The following TEDC1 variants were observed in gnomAD, a reference collection of about 807,000 sequenced individuals.
The protein encoded by TEDC1 is tubulin epsilon and delta complex protein 1.
Under a neutral mutation model 59.9 loss-of-function variants are expected in TEDC1, and 54 were observed. The ratio of observed to expected loss-of-function variants is 0.90; its 90% CI spans 0.72 to 1.13. TEDC1 has a LOEUF of 1.13. Ranked by LOEUF, TEDC1 falls within the 50% of genes most tolerant of loss-of-function variation. The probability of loss-of-function intolerance (pLI) is 0.00; values close to 1 mark genes in which losing one functional copy is unlikely to be tolerated. For missense variants in TEDC1, 734 were observed against 683.4 expected (o/e 1.07, Z -0.83); for synonymous variants, 353 against 298.1 (o/e 1.18, Z -1.90).
chr14:105,498,915 G>T lies in TEDC1; in HGVS notation c.1457G>T (p.Gly486Val). The T allele has an allele frequency of 1.2e-6, 2 of 1,610,344 alleles. No individual in the cohort carries two copies. The highest frequency in any genetic ancestry group is 1.7e-6 in the Non-Finnish European group (2 of 1,179,236). The change falls in exon 9 of 9, where the codon GGT becomes GTT. Residue 486 changes from glycine (G) to valine (V), a missense_variant. By Grantham distance (109) the Gly-to-Val change is moderately radical. Coordinates refer to ENST00000392523, the MANE Select transcript of TEDC1 (RefSeq NM_001367178.1). ...ELARLVGARPGLIWIPPPGR is the reference protein window; with the variant it reads ...ELARLVGARPVLIWIPPPGR ...GCCAGGCTGGTGGGAGCCCGCCCTG[G>T]TCTCATCTGGATCCCGCCACCTGGA...
At chr14:105,497,546 TAGGG>T in intron 7 of TEDC1, 103 bp downstream of exon 7, 1 of 1,384,516 alleles carries the variant, frequency 7.2e-7, no homozygotes, top group South Asian at 1.3e-5. Flanking sequence ...GAGGGGCTTT[TAGGG>T]AGGCCACAGA....
intron 6 of TEDC1, chr14:105,497,090 G>A: frequency 1.8e-6 from 1 of 553,948 alleles, no homozygotes; most frequent in Non-Finnish European, 3.2e-6. Context: ...GGCAGCTCTT[G>A]CCTGGCAGGC....
Position 105,498,746 on chromosome 14 carries a change from C to G in TEDC1, c.1288C>G (p.Pro430Ala), listed in dbSNP as rs2084404312. The stretch of plus-strand genomic sequence containing the variant: ...CGGTGGCCCGGCCCAGCCCCATGGG[C>G]CACACCGGCTGGTGAGACGAGAGGA... ...RDGGPAQPHG[P>A]HRLVRREDGA... The change falls in exon 9 of 9, where the codon CCA becomes GCA. Residue 430 changes from proline to alanine, a missense_variant. Transcript: ENST00000392523. 2 of 1,559,138 alleles carry G rather than the reference C, an allele frequency of 1.3e-6. No individual in the cohort carries two copies. Among genetic ancestry groups the G allele is most frequent in the Non-Finnish European group, 1.7e-6 (2 of 1,151,954 alleles).
chr14:105,497,431 C>T lies in TEDC1; in HGVS notation c.966C>T (p.Phe322=), dbSNP rs1555440666. 1.9e-6 allele frequency: 3 copies of T among 1,548,808 alleles called. No homozygotes were observed. Among genetic ancestry groups the T allele is most frequent in the Non-Finnish European group, 1.7e-6 (2 of 1,148,322 alleles). ...CGTGGCGGCGCTCTGAGCTGGTCTT[C>T]TGGCGGTGGATGGTGAGGAAGCCCG... ...VLAWRRSELV[F]WRWMDTVLGT... is the part of the protein sequence containing the mutation. Residue 322 remains phenylalanine, a synonymous_variant, in exon 7 of 9, where the codon TTC becomes TTT. Coordinates refer to ENST00000392523, the MANE Select transcript of TEDC1 (RefSeq NM_001367178.1).
Position 105,492,252 on chromosome 14 carries a change from C to T in TEDC1, c.372C>T (p.Pro124=), listed in dbSNP as rs202246162. 2.0e-4 allele frequency: 324 copies of T among 1,610,324 alleles called. No individual in the cohort carries two copies. Among genetic ancestry groups the T allele is most frequent in the Middle Eastern group, 3.3e-4 (2 of 5,988 alleles). Residue 124 remains proline (P), a synonymous_variant, in exon 3 of 9, where the codon CCC becomes CCT. Coordinates refer to ENST00000392523, the MANE Select transcript of TEDC1 (RefSeq NM_001367178.1). ...LSWLLARGPV[P]EQMLAQARVP... The stretch of plus-strand genomic sequence containing the variant: ...GGCTCTTGGCCCGAGGACCTGTGCC[C>T]GAGCAGATGCTGGCCCAGGCCCGAG...
intron 8 of TEDC1, among the ~76,000 whole-genome samples, chr14:105,498,230 G>A (rs2084391575): frequency 6.6e-6 from 1 of 152,200 alleles, no homozygotes; most frequent in Non-Finnish European, 1.5e-5. Context: ...AGCCCGTGCT[G>A]TGTGGGCCCT....
chr14:105,491,954 C>T (rs1555439486), intron 2 of TEDC1, among the ~76,000 whole-genome samples, 153 bp from the exon 3 acceptor site: 2 of 152,270 alleles, frequency 1.3e-5, no homozygotes, highest in Non-Finnish European at 2.9e-5. Flanking sequence ...CTGGTCTCCT[C>T]ATCCTGGTCT....
At chr14:105,496,146 G>GGGGGGGGCGCCCCCCC in intron 6 of TEDC1, 60 bp downstream of exon 6, 1 of 331,608 alleles carries the variant, frequency 3.0e-6, no homozygotes, top group Non-Finnish European at 5.9e-6. Flanking sequence ...GGGTGGGAGG[G>GGGGGGGGCGCCCCCCC]GGTGGCGAGG....
Position 105,491,698 on chromosome 14 carries a change from TG to T in TEDC1, c.226+1del. ...PAGNALASLA[L>X]EVQARLVKSA... ...GGCAACGCCTTGGCATCGCTCGCCC[TG>T]GGTAAGCCCCGCTCCTGGCCCCGCC... On this transcript the variant is annotated frameshift_variant and splice_region_variant, in exon 2 of 9. Coordinates refer to ENST00000392523, the MANE Select transcript of TEDC1 (RefSeq NM_001367178.1). LOFTEE classifies it high-confidence loss of function. 6.5e-7 allele frequency: 1 copy of T among 1,548,340 alleles called. No homozygotes were observed.
At chr14:105,490,799 C>T (rs1220322070), upstream of TEDC1, 4 of 586,782 alleles carry the variant, frequency 6.8e-6, no homozygotes, top group South Asian at 1.9e-5. Context: ...GGCTCGTCCG[C>T]TCCGACTGCG....
At chr14:105,489,861 G>C (rs781977493), upstream of TEDC1, 1 of 152,424 alleles carries the variant, frequency 6.6e-6, no homozygotes, top group Non-Finnish European at 1.5e-5. Context: ...GGTTGGGAGA[G>C]CGCTGAACAA....
At chr14:105,495,613 A>G in intron 5 of TEDC1, 1 of 432,852 alleles carries the variant, frequency 2.3e-6, no homozygotes, top group Non-Finnish European at 4.2e-6. Context: ...GGCAGTGCTG[A>G]GGCAGCATCC....
chr14:105,498,287 C>T (rs1371803368), intron 8 of TEDC1, among the ~76,000 whole-genome samples: 1 of 152,210 alleles, frequency 6.6e-6, no homozygotes, highest in Non-Finnish European at 1.5e-5. Context: ...GTAGTAGTCA[C>T]TCCTCCACAC....
At position 105,498,977 on chromosome 14, in the gene TEDC1, C is replaced by T. The variant is rs782065993; in HGVS notation, c.*31C>T. On this transcript the variant is annotated 3_prime_UTR_variant, in exon 9 of 9. Coordinates refer to ENST00000392523, the MANE Select transcript of TEDC1 (RefSeq NM_001367178.1). ...TGTCGACGGGCCCTCGTGTGGGAAG[C>T]CTGCCCTGGCCCAGCCTGGCTGGGT... The T allele has an allele frequency of 1.3e-6, 2 of 1,562,404 alleles. No individual in the cohort carries two copies. Among genetic ancestry groups the T allele is most frequent in the East Asian group, 2.3e-5 (1 of 43,464 alleles).
At position 105,496,931 on chromosome 14, in the gene TEDC1, G is replaced by A. The variant is rs139643970; in HGVS notation, c.892-426G>A. 3.9e-4 allele frequency: 89 copies of A among 229,650 alleles called. 1 individual carries two copies. Among genetic ancestry groups the A allele is most frequent in the Middle Eastern group, 3.0e-3 (2 of 656 alleles). 14.2% of individuals were successfully genotyped at this position (229,650 alleles called of 1,614,324 possible). The stretch of plus-strand genomic sequence containing the variant: ...TTGCTCCTTCGTTTGGGGCCTCCCC[G>A]TCCGCCTGCAGTCCCCGGATACAGC... On this transcript the variant is annotated intron_variant, in intron 6 of 8. Transcript: ENST00000392523.
chr14:105,490,164 G>T (rs906330656), upstream of TEDC1: 4 of 151,182 alleles, frequency 2.6e-5, no homozygotes, highest in South Asian at 4.1e-4. Context: ...GCTTGCTGGG[G>T]GGGGGGCCCC....
At position 105,493,840 on chromosome 14, in the gene TEDC1, C is replaced by T. The variant is rs782671488; in HGVS notation, c.591C>T (p.His197=). The T allele has an allele frequency of 5.6e-6, 9 of 1,606,956 alleles. 1 individual carries two copies. The highest frequency in any genetic ancestry group is 3.3e-5 in the South Asian group (3 of 90,748). ...GTCTGCACTACCTGTTTTAGATCCA[C>T]CTGTACACACGCGGCTGCCACAGCG... is the stretch of plus-strand genomic sequence containing the variant. ...QEQCALLSKI[H]LYTRGCHSDQ... is the part of the protein sequence containing the mutation. The change falls in exon 5 of 9, where the codon CAC becomes CAT. Residue 197 remains histidine, a synonymous_variant. Transcript: ENST00000392523.
intron 3 of TEDC1, 75 bp downstream of exon 3, chr14:105,492,384 C>T: frequency 1.3e-6 from 2 of 1,567,692 alleles, no homozygotes; most frequent in Non-Finnish European, 1.7e-6. Flanking sequence ...AGGCCTGGGT[C>T]AGCCCCCTCT....
intron 5 of TEDC1, chr14:105,494,311 C>G: frequency 3.4e-6 from 1 of 290,222 alleles, no homozygotes; most frequent in Non-Finnish European, 6.7e-6. Context: ...CAGGGGGCAC[C>G]TAGGGGTGTG....
Sources: allele counts gnomAD v4.1 joint callset (sites outside exome capture counted in the v4.1 genomes callset), GRCh38; gene constraint gnomAD v4.1.1; transcripts MANE v1.5; gene names NCBI Gene and HGNC (gene_info 2026-07-23, HGNC 2026-07-21).